SLIT2: variants seen among roughly 807,000 people sequenced by gnomAD.
SLIT2 encodes the protein slit homolog 2 protein.
In SLIT2, 41 loss-of-function variants were observed where a neutral mutation model predicts 185.7. The observed-to-expected ratio is 0.22, with a 90% CI of 0.17 to 0.29. The LOEUF (loss-of-function observed/expected upper bound fraction) is 0.29. SLIT2 is among the 10% of genes least tolerant of loss of function. The pLI, the probability that SLIT2 is intolerant of heterozygous loss-of-function variation, is 1.00. For synonymous variants in SLIT2, 693 were observed against 680.2 expected, an observed-to-expected ratio of 1.02 and a Z score of -0.29; for missense variants, 1,571 against 1,909.0, an observed-to-expected ratio of 0.82 and a Z score of 3.30.
intron 4 of SLIT2, among the ~76,000 whole-genome samples, chr4:20,466,823 T>TA (rs1252896715): frequency 6.6e-6 from 1 of 152,208 alleles, no homozygotes; most frequent in African/African-American, 2.4e-5. Flanking sequence ...ATAATTTTAA[T>TA]ACCATCATTG....
intron 4 of SLIT2, among the ~76,000 whole-genome samples, chr4:20,464,142 A>G (rs926371493): frequency 6.6e-6 from 1 of 152,090 alleles, no homozygotes; most frequent in South Asian, 2.1e-4. Flanking sequence ...TAAGGAAGCA[A>G]TGAATTGATG....
intron 33 of SLIT2, among the ~76,000 whole-genome samples, chr4:20,609,342 T>G (rs1362708035): frequency 1.3e-5 from 2 of 152,206 alleles, no homozygotes; most frequent in Non-Finnish European, 2.9e-5. Flanking sequence ...CATTGCAATA[T>G]TTCCTAGATA....
At position 20,521,144 on chromosome 4, in the gene SLIT2, C is replaced by T. The variant is rs76371827; in HGVS notation, c.1130+1691C>T. ...CTACTACAAATACGTGAAGTGTCAC[C>T]TTCTTTTTCTTTCCATCCACACTTA... is the stretch of plus-strand genomic sequence containing the variant. On this transcript the variant is annotated intron_variant, in intron 12 of 36. Transcript: ENST00000504154. Among the ~76,000 whole-genome samples the T allele has an allele frequency of 8.9e-3, 1,348 of 152,288 alleles. 20 individuals carry two copies. Among genetic ancestry groups the T allele is most frequent in the African/African-American group, 0.031 (1,283 of 41,556 alleles).
At chr4:20,433,094 CTG>C (rs1310107011) in intron 4 of SLIT2, among the ~76,000 whole-genome samples, 1 of 152,114 alleles carries the variant, frequency 6.6e-6, no homozygotes, top group Non-Finnish European at 1.5e-5. Context: ...CCTTCAAACT[CTG>C]TGTATGTGTA....
chr4:20,599,230 G>T (rs1286647645), intron 33 of SLIT2, among the ~76,000 whole-genome samples: 1 of 152,176 alleles, frequency 6.6e-6, no homozygotes, highest in African/African-American at 2.4e-5. Flanking sequence ...CGTGAAATGG[G>T]TGGTATTCGT....
At position 20,596,631 on chromosome 4, in the gene SLIT2, G is replaced by A. The variant is rs762905182; in HGVS notation, c.3537G>A (p.Arg1179=). Reference sequence around the variant, plus strand: ...TTCAGATTCCTTCAGCCAAGGTTCGGCCTCAGACGAACATAACACTTCAGG... The same window carrying A: ...TTCAGATTCCTTCAGCCAAGGTTCGACCTCAGACGAACATAACACTTCAGG... The part of the protein sequence containing the change: ...SYLQIPSAKV[R]PQTNITLQIA... Residue 1179 remains arginine, a synonymous_variant, in exon 32 of 37, where the codon CGG becomes CGA. Coordinates refer to ENST00000504154, the MANE Select transcript of SLIT2 (RefSeq NM_004787.4). 1 of 1,613,276 alleles carries A rather than the reference G, an allele frequency of 6.2e-7. No homozygotes were observed. The highest frequency in any genetic ancestry group is 2.2e-5 in the East Asian group (1 of 44,842).
Position 20,524,182 on chromosome 4 carries a change from T to G in SLIT2, c.1438+5T>G. On this transcript the variant is annotated splice_donor_5th_base_variant and intron_variant, in intron 14 of 36. Coordinates refer to ENST00000504154, the MANE Select transcript of SLIT2 (RefSeq NM_004787.4). Reference sequence around the variant, plus strand: ...GCAAGAAATTCCGTTGTTCAGGTAATTTCTTCACGTGTTATTTCCCCTGTG... The same window carrying G: ...GCAAGAAATTCCGTTGTTCAGGTAAGTTCTTCACGTGTTATTTCCCCTGTG... 1 of 1,613,782 alleles carries G rather than the reference T, an allele frequency of 6.2e-7. No individual in the cohort carries two copies. Among genetic ancestry groups the G allele is most frequent in the Non-Finnish European group, 8.5e-7 (1 of 1,179,780 alleles).
chr4:20,476,905 G>A (rs1716165557), intron 5 of SLIT2, among the ~76,000 whole-genome samples: 2 of 151,870 alleles, frequency 1.3e-5, no homozygotes, highest in South Asian at 4.1e-4. Context: ...CTTATATTTA[G>A]CAACATTGTA....
chr4:20,507,843 A>G (rs1719347753), intron 9 of SLIT2, among the ~76,000 whole-genome samples: 1 of 151,916 alleles, frequency 6.6e-6, no homozygotes, highest in South Asian at 2.1e-4. Flanking sequence ...TCTTTAATAC[A>G]TTGAAATAAT....
chr4:20,405,809 A>G (rs1486170768), intron 4 of SLIT2, among the ~76,000 whole-genome samples: 1 of 151,994 alleles, frequency 6.6e-6, no homozygotes, highest in African/African-American at 2.4e-5. Context: ...TTTAATTTAA[A>G]AATTTTTCTC....
At position 20,369,146 on chromosome 4, in the gene SLIT2, G is replaced by A. The variant is rs185359683; in HGVS notation, c.396-98606G>A. On this transcript the variant is annotated intron_variant, in intron 4 of 36. Transcript: ENST00000504154. The stretch of plus-strand genomic sequence containing the variant: ...TCCTTTCTCTTTCTTTCCCAAGATG[G>A]TCCAGGGAACAGGGCTGAATTCCCA... 5.9e-5 allele frequency among the ~76,000 whole-genome samples: 9 copies of A among 152,126 alleles called. No individual in the cohort carries two copies. In the East Asian group the frequency reaches 1.8e-3, roughly 30 times the overall value.
intron 9 of SLIT2, among the ~76,000 whole-genome samples, chr4:20,500,889 C>T (rs987579053): frequency 4.1e-4 from 63 of 152,248 alleles, no homozygotes; most frequent in African/African-American, 1.5e-3. Context: ...TATGAAAGTA[C>T]TAGTTTTTCC....
intron 21 of SLIT2, among the ~76,000 whole-genome samples, chr4:20,543,299 T>A (rs1722974957): frequency 6.6e-6 from 1 of 152,088 alleles, no homozygotes; most frequent in Non-Finnish European, 1.5e-5. Context: ...GATATACACA[T>A]CTCGACCTTC....
chr4:20,545,879 C>A, intron 21 of SLIT2, 152 bp from the exon 22 acceptor site: 1 of 416,466 alleles, frequency 2.4e-6, no homozygotes, highest in Non-Finnish European at 4.3e-6. Context: ...CTTTACTTCT[C>A]TTAAATAATA....
chr4:20,522,396 A>T (rs944469222), intron 12 of SLIT2, among the ~76,000 whole-genome samples: 9 of 152,272 alleles, frequency 5.9e-5, no homozygotes, highest in South Asian at 4.2e-4. Context: ...AATATTATTT[A>T]AAAAAATTGT....
chr4:20,323,845 G>C (rs59943579), intron 4 of SLIT2, among the ~76,000 whole-genome samples: 1 of 152,108 alleles, frequency 6.6e-6, no homozygotes, highest in South Asian at 2.1e-4. Flanking sequence ...ATCCCCATGT[G>C]CCTTGCACAG....
At chr4:20,451,365 G>A (rs568362530) in intron 4 of SLIT2, among the ~76,000 whole-genome samples, 1 of 152,290 alleles carries the variant, frequency 6.6e-6, no homozygotes, top group East Asian at 1.9e-4. Flanking sequence ...CTTTCAGTCA[G>A]TTCCTACTAA....
chr4:20,375,266 TGAG>T (rs2109327851), intron 4 of SLIT2, among the ~76,000 whole-genome samples: 1 of 152,162 alleles, frequency 6.6e-6, no homozygotes, highest in South Asian at 2.1e-4. Flanking sequence ...TCAGTCTTTT[TGAG>T]GAGTTTTGTT....
chr4:20,507,812 CACT>C (rs375023027), intron 9 of SLIT2, among the ~76,000 whole-genome samples: 7 of 151,758 alleles, frequency 4.6e-5, no homozygotes, highest in African/African-American at 1.7e-4. Context: ...CTCATCATAG[CACT>C]ACGTTATTGT....
Sources: gnomAD v4.1 joint callset for allele counts (sites outside exome capture counted in the v4.1 genomes callset) on GRCh38, gnomAD v4.1.1 for gene constraint, MANE v1.5 for transcripts, NCBI Gene and HGNC (gene_info 2026-07-23, HGNC 2026-07-21) for gene names.